The following SLC25A28 variants were observed in gnomAD, a reference collection of about 807,000 sequenced individuals.
SLC25A28 encodes the protein mitoferrin-2.
A neutral mutation model predicts 31.9 loss-of-function variants in SLC25A28; 10 were observed. That is an observed-to-expected ratio of 0.31 (90% CI 0.19 to 0.53). The LOEUF is 0.53. Among genes scored for constraint, SLC25A28 ranks in the 20% least tolerant of loss-of-function variants. The probability of loss-of-function intolerance (pLI) is 0.95; values close to 1 mark genes in which losing one functional copy is unlikely to be tolerated. For synonymous variants in SLC25A28, 208 were observed against 203.6 expected, an observed-to-expected ratio of 1.02 and a Z score of -0.19; for missense variants, 256 against 490.3, an observed-to-expected ratio of 0.52 and a Z score of 4.51.
upstream of SLC25A28, among the ~76,000 whole-genome samples, chr10:99,624,060 CCTTCCTTCTCTTTCTTCCTTCCTTT>C (rs1177294033): frequency 1.3e-4 from 19 of 151,418 alleles, no homozygotes; most frequent in African/African-American, 4.6e-4. Flanking sequence ...TCCCTCCCTT[CCTTCCTTCTCTTTCTTCCTTCCTTT>C]CTTCTCTTTC....
In SLC25A28 at chr10:99,613,834, A is replaced by G. The variant is rs1175623542; in HGVS notation, c.382T>C (p.Trp128Arg). The change falls in exon 2 of 4, where the codon TGG (tryptophan) becomes CGG (arginine). Residue 128 changes from tryptophan (W) to arginine (R), a missense_variant. Physicochemically the swap from Trp to Arg is moderately radical, Grantham distance 101. Around this residue, in one of 4 missense-constraint regions of SLC25A28, gnomAD observed 158 missense variants for 379.1 expected, o/e 0.42. Coordinates refer to ENST00000370495, the MANE Select transcript of SLC25A28 (RefSeq NM_031212.4). The surrounding 1 kb of genome is among the most constrained non-coding windows in gnomAD (Gnocchi z 4.9). ...LWRIIRTEGL[W>R]RPMRGLNVTA... ...ACGTTCAGCCCCCTCATGGGCCTCC[A>G]TAGGCCCTCCGTTCTTATAATCCTC... The G allele has an allele frequency of 1.2e-6, 2 of 1,614,096 alleles. No individual in the cohort carries two copies. The highest frequency in any genetic ancestry group is 1.7e-6 in the Non-Finnish European group (2 of 1,180,032).
At chr10:99,656,198 T>C in the SLC25A28 span, among the ~76,000 whole-genome samples, 3 of 152,020 alleles carry the variant, frequency 2.0e-5, no homozygotes, top group Non-Finnish European at 4.4e-5. Context: ...AGTAGCATGA[T>C]GAGGTTTCCC....
the SLC25A28 span, among the ~76,000 whole-genome samples, chr10:99,658,166 G>A: frequency 6.6e-6 from 1 of 152,194 alleles, no homozygotes; most frequent in South Asian, 2.1e-4. Context: ...CAGCCTGGAT[G>A]ACAACAGAGT....
rs995185413 is a variant in SLC25A28, at chr10:99,611,517, G to A, written c.578-151C>T. 4.1e-6 allele frequency: 4 copies of A among 967,162 alleles called. No homozygotes were observed. Among genetic ancestry groups the A allele is most frequent in the Admixed American group, 5.5e-5 (2 of 36,402 alleles). The allele number at this position is 967,162 out of a possible 1,614,324, so 59.9% of individuals were successfully genotyped here. ...AGCTGCTGGCTAACCTGAGAAGTCA[G>A]CTTCCCTTTTTTGAGGGGAAGGAGT... On this transcript the variant is annotated intron_variant, in intron 3 of 3. Transcript: ENST00000370495. This position sits in a 1 kb window ranked among gnomAD's most constrained non-coding sequence, Gnocchi z 5.5.
chr10:99,621,605 C>CG (rs1438581069), upstream of SLC25A28: 1 of 152,314 alleles, frequency 6.6e-6, no homozygotes, highest in Non-Finnish European at 1.5e-5. Context: ...CAGCGATTCC[C>CG]GGCCTTAGGA....
chr10:99,634,815 A>G, the SLC25A28 span, among the ~76,000 whole-genome samples: 127,903 of 152,256 alleles, frequency 0.84, 53,972 homozygotes, highest in Middle Eastern at 0.92. Context: ...TTCATCACAA[A>G]AGGATCCTTG....
Position 99,611,455 on chromosome 10 carries a change from T to A in SLC25A28, c.578-89A>T, listed in dbSNP as rs932810281. 6.0e-6 allele frequency: 9 copies of A among 1,501,466 alleles called. No individual in the cohort carries two copies. In the African/African-American group the frequency reaches 6.9e-5, roughly 12 times the overall value. The allele number at this position is 1,501,466 out of a possible 1,614,324, so 93.0% of individuals were successfully genotyped here. A position where few individuals can be genotyped will look rare whatever the true frequency, so the allele number is the denominator to read the frequency against. Reference sequence around the variant, plus strand: ...AGATTCAGAGCCCCAAGTCAGCAGATCAGCCAATGGAATAGAGAGAGAAAA... The same window carrying A: ...AGATTCAGAGCCCCAAGTCAGCAGAACAGCCAATGGAATAGAGAGAGAAAA... On this transcript the variant is annotated intron_variant, in intron 3 of 3. Coordinates refer to ENST00000370495, the MANE Select transcript of SLC25A28 (RefSeq NM_031212.4). The surrounding 1 kb of genome is among the most constrained non-coding windows in gnomAD (Gnocchi z 5.5).
At chr10:99,646,988 A>G in the SLC25A28 span, among the ~76,000 whole-genome samples, 1 of 152,218 alleles carries the variant, frequency 6.6e-6, no homozygotes, top group Non-Finnish European at 1.5e-5. Context: ...TTGCTGGGAA[A>G]GATATGATTT....
At chr10:99,622,804 T>C (rs2133369922), upstream of SLC25A28, 1 of 546,346 alleles carries the variant, frequency 1.8e-6, no homozygotes, top group African/African-American at 2.1e-5. Context: ...ATTGGAACCC[T>C]ATCTTTATTT....
At chr10:99,650,532 A>C in the SLC25A28 span, among the ~76,000 whole-genome samples, 1 of 152,024 alleles carries the variant, frequency 6.6e-6, no homozygotes, top group Non-Finnish European at 1.5e-5. Flanking sequence ...GTAGCCCAAC[A>C]TTAAACTCTC....
chr10:99,647,691 A>G, the SLC25A28 span, among the ~76,000 whole-genome samples: 2 of 152,036 alleles, frequency 1.3e-5, no homozygotes, highest in Admixed American at 6.6e-5. Flanking sequence ...TGTTCTTGCT[A>G]TGTTTGCTTT....
the SLC25A28 span, among the ~76,000 whole-genome samples, chr10:99,626,053 G>T: frequency 2.0e-5 from 3 of 152,078 alleles, no homozygotes; most frequent in Non-Finnish European, 4.4e-5. Context: ...TTCCCCCTTT[G>T]TTCTTATCAA....
At chr10:99,614,919 A>T (rs964126324) in intron 1 of SLC25A28, among the ~76,000 whole-genome samples, 1 of 152,208 alleles carries the variant, frequency 6.6e-6, no homozygotes, top group Non-Finnish European at 1.5e-5. Context: ...AGCACCTCTG[A>T]TTTGTTTGCT....
At chr10:99,625,190 A>G (rs932580851), upstream of SLC25A28, among the ~76,000 whole-genome samples, 1 of 42,112 alleles carries the variant, frequency 2.4e-5, no homozygotes, top group African/African-American at 8.0e-5. Context: ...GCCGACCCAA[A>G]GAGTGAGCAC....
At chr10:99,628,534 A>C in the SLC25A28 span, among the ~76,000 whole-genome samples, 1 of 152,248 alleles carries the variant, frequency 6.6e-6, no homozygotes, top group East Asian at 1.9e-4. Flanking sequence ...AAGAAAAAAC[A>C]CAATCATTGG....
chr10:99,611,044 G>A lies in SLC25A28; in HGVS notation c.900C>T (p.His300=). ...CCATGCCTGTGATATGTCCTGTAAT[G>A]TGTGAGTTCAAAGCCAAGGACTCCT... ...NTQESLALNS[H]ITGHITGMAS... The change falls in exon 4 of 4, where the codon CAC becomes CAT. Residue 300 remains histidine (H), a synonymous_variant. Coordinates refer to ENST00000370495, the MANE Select transcript of SLC25A28 (RefSeq NM_031212.4). This position sits in a 1 kb window ranked among gnomAD's most constrained non-coding sequence, Gnocchi z 5.5. 1 of 1,614,196 alleles carries A rather than the reference G, an allele frequency of 6.2e-7. No homozygotes were observed. Among genetic ancestry groups the A allele is most frequent in the Non-Finnish European group, 8.5e-7 (1 of 1,180,020 alleles).
intron 1 of SLC25A28, chr10:99,619,208 C>T: frequency 2.0e-6 from 2 of 985,426 alleles, no homozygotes; most frequent in Non-Finnish European, 2.4e-6. Flanking sequence ...ATCGTGTCCT[C>T]TTGTTGATCT....
the SLC25A28 span, among the ~76,000 whole-genome samples, chr10:99,628,428 C>A: frequency 6.6e-6 from 1 of 152,232 alleles, no homozygotes; most frequent in African/African-American, 2.4e-5. Flanking sequence ...TTTATATTTT[C>A]TTGAATGTTT....
Position 99,610,820 on chromosome 10 carries a change from C to A in SLC25A28, c.*29G>T. 1 of 1,598,644 alleles carries A rather than the reference C, an allele frequency of 6.3e-7. No homozygotes were observed. ...TGTGACCAGGATGCAGCAGTGTCAT[C>A]TGAACCCCTGGCTTCGTTCAGTGCT... On this transcript the variant is annotated 3_prime_UTR_variant, in exon 4 of 4. Transcript: ENST00000370495.
Sources: gnomAD v4.1 joint callset for allele counts (sites outside exome capture counted in the v4.1 genomes callset) on GRCh38, gnomAD v4.1.1 for gene constraint, gnomAD v4.1.1 regional missense constraint, Gnocchi (gnomAD v3.1) non-coding constraint, MANE v1.5 for transcripts, NCBI Gene and HGNC (gene_info 2026-07-23, HGNC 2026-07-21) for gene names.